The following PKIA variants were observed in gnomAD, a reference collection of about 807,000 sequenced individuals.
The protein encoded by PKIA is cAMP-dependent protein kinase inhibitor alpha, also known as PKI-alpha.
PKIA carries 4 observed loss-of-function variants against 7.6 expected under a neutral mutation model. The observed-to-expected ratio is 0.52, with a 90% CI of 0.26 to 1.20. The LOEUF (loss-of-function observed/expected upper bound fraction) is 1.20. PKIA is among the 50% of genes most tolerant of loss of function. The probability of loss-of-function intolerance (pLI) is 0.13; values close to 1 mark genes in which losing one functional copy is unlikely to be tolerated. For missense variants in PKIA, 73 were observed against 86.2 expected (o/e 0.85, Z 0.61); for synonymous variants, 21 against 30.7 (o/e 0.68, Z 1.04).
At chr8:78,598,242 T>C (rs1459242656) in intron 2 of PKIA, 116 bp from the exon 3 acceptor site, 11 of 511,810 alleles carry the variant, frequency 2.1e-5, no homozygotes, top group Non-Finnish European at 3.0e-5. Flanking sequence ...AGGCATTACT[T>C]GTTTTGTGAA....
At chr8:78,581,256 C>T (rs959341481) in intron 2 of PKIA, among the ~76,000 whole-genome samples, 15 of 151,924 alleles carry the variant, frequency 9.9e-5, no homozygotes, top group Admixed American at 3.3e-4. Context: ...GGGCAAATCT[C>T]GAACAATCTG....
intron 1 of PKIA, among the ~76,000 whole-genome samples, chr8:78,568,101 G>A (rs918907541): frequency 2.0e-5 from 3 of 152,044 alleles, no homozygotes; most frequent in Non-Finnish European, 4.4e-5. Context: ...ATTGTTTCTA[G>A]GTTGTCTTAG....
chr8:78,558,966 G>C (rs1027564587), intron 1 of PKIA, among the ~76,000 whole-genome samples: 7 of 152,144 alleles, frequency 4.6e-5, no homozygotes, highest in Non-Finnish European at 1.0e-4. Flanking sequence ...CTGTTGCCCA[G>C]GCTACAGTGC....
chr8:78,523,975 T>C (rs1292547886), intron 1 of PKIA, among the ~76,000 whole-genome samples: 1 of 119,808 alleles, frequency 8.3e-6, no homozygotes, highest in Non-Finnish European at 1.8e-5. Flanking sequence ...TATAAACATT[T>C]ATATTTATAA....
intron 1 of PKIA, among the ~76,000 whole-genome samples, chr8:78,565,540 A>G (rs556916130): frequency 3.3e-5 from 5 of 152,132 alleles, no homozygotes; most frequent in Admixed American, 6.6e-5. Flanking sequence ...ATATTCACCC[A>G]TATGACAAAT....
intron 2 of PKIA, among the ~76,000 whole-genome samples, chr8:78,575,729 A>T (rs1807659458): frequency 6.6e-6 from 1 of 151,948 alleles, no homozygotes; most frequent in South Asian, 2.1e-4. Flanking sequence ...CAACTTTGAA[A>T]CTCAAAGTAA....
intron 1 of PKIA, among the ~76,000 whole-genome samples, chr8:78,519,976 A>T (rs1809385640): frequency 6.6e-6 from 1 of 152,124 alleles, no homozygotes; most frequent in Non-Finnish European, 1.5e-5. Flanking sequence ...CCCATAGCAC[A>T]TTCTATTTTG....
chr8:78,553,920 T>G (rs1415448263), intron 1 of PKIA, among the ~76,000 whole-genome samples: 1 of 151,890 alleles, frequency 6.6e-6, no homozygotes, highest in Non-Finnish European at 1.5e-5. Context: ...TTATAAATGT[T>G]AAGTTTAAAC....
intron 2 of PKIA, among the ~76,000 whole-genome samples, chr8:78,581,232 A>C (rs1394822028): frequency 2.0e-5 from 3 of 152,106 alleles, no homozygotes; most frequent in Admixed American, 1.3e-4. Context: ...GGCCAAATTG[A>C]AAGGATTTCC....
At chr8:78,522,592 T>C (rs531925680) in intron 1 of PKIA, among the ~76,000 whole-genome samples, 56 of 152,074 alleles carry the variant, frequency 3.7e-4, no homozygotes, top group East Asian at 5.8e-4. Context: ...CTCTCTTTTT[T>C]CATTTCCAGT....
intron 1 of PKIA, among the ~76,000 whole-genome samples, chr8:78,561,218 T>C (rs79888553): frequency 0.036 from 5,535 of 152,230 alleles, 153 homozygotes; most frequent in South Asian, 0.07. Flanking sequence ...AGGCTAAAGA[T>C]AAATTAAAAT....
chr8:78,597,139 G>A (rs1220334811), intron 2 of PKIA, among the ~76,000 whole-genome samples: 5 of 151,928 alleles, frequency 3.3e-5, no homozygotes, highest in African/African-American at 9.7e-5. Context: ...TTTTCTTTTT[G>A]CTTAGGGTTG....
intron 1 of PKIA, among the ~76,000 whole-genome samples, chr8:78,519,308 T>C (rs1373455542): frequency 3.3e-5 from 5 of 152,146 alleles, no homozygotes; most frequent in African/African-American, 1.2e-4. Flanking sequence ...TGCCATTAAC[T>C]ACAATTGAAA....
intron 2 of PKIA, among the ~76,000 whole-genome samples, chr8:78,576,024 G>T (rs1329980476): frequency 1.3e-5 from 2 of 151,956 alleles, no homozygotes; most frequent in Non-Finnish European, 2.9e-5. Flanking sequence ...CTGTTTGCAC[G>T]CATCCCTGGA....
At chr8:78,581,544 A>G (rs1807806482) in intron 2 of PKIA, among the ~76,000 whole-genome samples, 1 of 152,120 alleles carries the variant, frequency 6.6e-6, no homozygotes, top group Non-Finnish European at 1.5e-5. Context: ...GTCTGTTGAT[A>G]GGATGTGGTG....
chr8:78,590,566 C>T (rs995914951), intron 2 of PKIA, among the ~76,000 whole-genome samples: 1 of 151,514 alleles, frequency 6.6e-6, no homozygotes, highest in Non-Finnish European at 1.5e-5. Context: ...TATGAGAAAC[C>T]AGATGTCTTT....
intron 1 of PKIA, among the ~76,000 whole-genome samples, chr8:78,531,831 G>A (rs1390437280): frequency 6.6e-6 from 1 of 152,122 alleles, no homozygotes; most frequent in African/African-American, 2.4e-5. Context: ...ATTCCTGCTA[G>A]CTGGTTGACA....
intron 1 of PKIA, among the ~76,000 whole-genome samples, chr8:78,529,602 A>G (rs979225625): frequency 1.3e-5 from 2 of 152,064 alleles, no homozygotes; most frequent in Admixed American, 1.3e-4. Context: ...TCAAACAAAC[A>G]AAAGTATGGG....
At chr8:78,568,904 C>T (rs1807482373) in intron 1 of PKIA, among the ~76,000 whole-genome samples, 1 of 152,178 alleles carries the variant, frequency 6.6e-6, no homozygotes, top group Non-Finnish European at 1.5e-5. Flanking sequence ...CCACCCTACT[C>T]TTGCCCTTCA....
Sources: allele counts gnomAD v4.1 joint callset (sites outside exome capture counted in the v4.1 genomes callset), GRCh38; gene constraint gnomAD v4.1.1; transcripts MANE v1.5; gene names NCBI Gene and HGNC (gene_info 2026-07-23, HGNC 2026-07-21).